PIEZO2: variants seen among roughly 807,000 people sequenced by gnomAD.
PIEZO2 encodes piezo type mechanosensitive ion channel component 2, also known as piezo-type mechanosensitive ion channel component 2.
Under a neutral mutation model 337.3 loss-of-function variants are expected in PIEZO2, and 172 were observed. That is an observed-to-expected ratio of 0.51 (90% CI 0.45 to 0.58). The LOEUF is 0.58. Ranked by LOEUF, PIEZO2 falls within the 20% of genes least tolerant of loss-of-function variation. The pLI is 0.00. For synonymous variants in PIEZO2, 1,251 were observed against 1,228.5 expected (o/e 1.02, Z -0.38); for missense variants, 3,028 against 3,391.3 (o/e 0.89, Z 2.66).
rs924943134 is a variant in PIEZO2 at position 10,988,847 on chromosome 18, A to G, written c.161-9187T>C. On this transcript the variant is annotated intron_variant, in intron 2 of 55. Transcript: ENST00000674853. This position sits in a 1 kb window ranked among gnomAD's most constrained non-coding sequence, Gnocchi z 4.8. ...TAAGCTAGACACAAACAAATACTACATGATCTCATGTATATGTGGAATCTA... is the reference window on the plus strand; with the variant it reads ...TAAGCTAGACACAAACAAATACTACGTGATCTCATGTATATGTGGAATCTA... Among the ~76,000 whole-genome samples, 7 of 152,164 alleles carry G rather than the reference A, an allele frequency of 4.6e-5. No homozygotes were observed. Among genetic ancestry groups the G allele is most frequent in the Non-Finnish European group, 1.0e-4 (7 of 68,022 alleles).
intron 4 of PIEZO2, among the ~76,000 whole-genome samples, chr18:10,879,544 C>G (rs1236008291): frequency 2.0e-5 from 3 of 151,876 alleles, no homozygotes; most frequent in African/African-American, 4.8e-5. Context: ...TACAGGCACC[C>G]GCCACCACGC....
intron 13 of PIEZO2, among the ~76,000 whole-genome samples, chr18:10,792,997 T>C (rs553646863): frequency 2.2e-4 from 34 of 152,334 alleles, no homozygotes; most frequent in African/African-American, 7.5e-4. Flanking sequence ...GGCTCACGCC[T>C]GTAATCCCAG....
At chr18:10,812,969 G>A (rs1015978493) in intron 7 of PIEZO2, among the ~76,000 whole-genome samples, 1 of 148,764 alleles carries the variant, frequency 6.7e-6, no homozygotes, top group Non-Finnish European at 1.5e-5. Flanking sequence ...ATAACATAAA[G>A]CTGATTATTT....
chr18:10,803,541 AC>A (rs140037402), intron 9 of PIEZO2, among the ~76,000 whole-genome samples: 556 of 152,324 alleles, frequency 3.7e-3, no homozygotes, highest in Non-Finnish European at 5.6e-3. Context: ...ATAGTTCAGC[AC>A]TGAAATTTTC....
rs1464754154 is a variant in PIEZO2 at position 10,783,088 on chromosome 18, T to A, written c.2492+1696A>T. Among the ~76,000 whole-genome samples, 1 of 152,076 alleles carries A rather than the reference T, an allele frequency of 6.6e-6. No homozygotes were observed. ...AGGTTCCTGCATGCTGGAGGCACTT[T>A]TAGTGAGAAAAAAAAATGAATATGC... On this transcript the variant is annotated intron_variant, in intron 17 of 55. Coordinates refer to ENST00000674853, the MANE Select transcript of PIEZO2 (RefSeq NM_001378183.1). The surrounding 1 kb of genome is among the most constrained non-coding windows in gnomAD (Gnocchi z 4.3).
In PIEZO2 at chr18:10,819,482, G is replaced by A. The variant is rs2040458927; in HGVS notation, c.918-12208C>T. ...GTATTCCAAAGACTCAGCTATGAAG[G>A]ATGTGAAACTGCCTGTTTCTTTGAT... On this transcript the variant is annotated intron_variant, in intron 7 of 55. Transcript: ENST00000674853. The surrounding 1 kb of genome is among the most constrained non-coding windows in gnomAD (Gnocchi z 4.3). Among the ~76,000 whole-genome samples, 1 of 152,216 alleles carries A rather than the reference G, an allele frequency of 6.6e-6. No homozygotes were observed. The highest frequency in any genetic ancestry group is 1.5e-5 in the Non-Finnish European group (1 of 68,038).
chr18:11,073,348 C>G (rs1426243050), intron 1 of PIEZO2, among the ~76,000 whole-genome samples: 2 of 152,174 alleles, frequency 1.3e-5, no homozygotes, highest in East Asian at 3.9e-4. Flanking sequence ...GGCACCACTG[C>G]CACAGCTAAG....
rs1311002563 is a variant in PIEZO2 at position 10,672,639 on chromosome 18, A to G, written c.8345+51T>C. On this transcript the variant is annotated intron_variant, in intron 55 of 55. Coordinates refer to ENST00000674853, the MANE Select transcript of PIEZO2 (RefSeq NM_001378183.1). This position sits in a 1 kb window ranked among gnomAD's most constrained non-coding sequence, Gnocchi z 4.7. ...AAAGGCTTCCCACTCTCAACTTTAC[A>G]TGATACAGAAGTAGACTCTTGTAAC... The G allele has an allele frequency of 6.4e-7, 1 of 1,561,352 alleles. No homozygotes were observed. The highest frequency in any genetic ancestry group is 2.3e-5 in the East Asian group (1 of 44,244).
At chr18:11,060,941 G>C (rs1343071975) in intron 2 of PIEZO2, among the ~76,000 whole-genome samples, 2 of 152,188 alleles carry the variant, frequency 1.3e-5, no homozygotes, top group Non-Finnish European at 1.5e-5. Flanking sequence ...AAGCCTGGCA[G>C]AGACACAACA....
At chr18:10,699,703 G>A (rs2035252286) in intron 43 of PIEZO2, among the ~76,000 whole-genome samples, 1 of 142,256 alleles carries the variant, frequency 7.0e-6, no homozygotes, top group African/African-American at 2.5e-5. Context: ...AGAGATGGGT[G>A]GGTATAGATA....
rs1449086068 is a variant in PIEZO2, at chr18:10,784,896, G to C, written c.2380C>G (p.Pro794Ala). The C allele has an allele frequency of 6.5e-7, 1 of 1,537,514 alleles. No homozygotes were observed. The highest frequency in any genetic ancestry group is 8.7e-7 in the Non-Finnish European group (1 of 1,146,948). ...VAELFTRIFI[P>A]TSFLLVCILH... The stretch of plus-strand genomic sequence containing the variant: ...ATGCACACCAGCAGAAAGGAGGTTG[G>C]GATGAATATGCGAGTGAATAGTTCA... Residue 794 changes from proline to alanine, a missense_variant, in exon 17 of 56, where the codon CCA becomes GCA. By Grantham distance (27) the Pro-to-Ala change is conservative. Transcript: ENST00000674853. This position sits in a 1 kb window ranked among gnomAD's most constrained non-coding sequence, Gnocchi z 4.5.
chr18:10,927,964 C>A (rs76845395), intron 3 of PIEZO2, among the ~76,000 whole-genome samples: 1 of 152,102 alleles, frequency 6.6e-6, no homozygotes, highest in South Asian at 2.1e-4. Flanking sequence ...AGAACTTAGA[C>A]GTGGATTAAT....
At chr18:10,884,959 G>A (rs2042532538) in intron 4 of PIEZO2, among the ~76,000 whole-genome samples, 1 of 152,040 alleles carries the variant, frequency 6.6e-6, no homozygotes, top group Non-Finnish European at 1.5e-5. Context: ...ACAAATATGT[G>A]TGAGCGTCTA....
chr18:10,822,478 T>C (rs553363754), intron 7 of PIEZO2, among the ~76,000 whole-genome samples: 9 of 152,318 alleles, frequency 5.9e-5, no homozygotes, highest in African/African-American at 2.2e-4. Flanking sequence ...CTTCCTATTA[T>C]GTCTTAGAGG....
rs1032163770 is a variant in PIEZO2 at position 10,833,092 on chromosome 18, G to A, written c.917+22261C>T. 5.3e-5 allele frequency among the ~76,000 whole-genome samples: 8 copies of A among 152,162 alleles called. No homozygotes were observed. Among genetic ancestry groups the A allele is most frequent in the Non-Finnish European group, 1.0e-4 (7 of 68,030 alleles). On this transcript the variant is annotated intron_variant, in intron 7 of 55. Coordinates refer to ENST00000674853, the MANE Select transcript of PIEZO2 (RefSeq NM_001378183.1). This position sits in a 1 kb window ranked among gnomAD's most constrained non-coding sequence, Gnocchi z 4.7. ...GGCAGCTCTTGGCAGACATGCCATC[G>A]AGAGAAATCTCAGCCCCAGAAGAGC...
rs1189075261 is a variant in PIEZO2, at chr18:10,724,825, C to T, written c.5030-6566G>A. 7 of 1,595,120 alleles carry T rather than the reference C, an allele frequency of 4.4e-6. No homozygotes were observed. The East Asian group carries it at 1.6e-4, about 36-fold the overall frequency. On this transcript the variant is annotated intron_variant, in intron 36 of 55. Transcript: ENST00000674853. The surrounding 1 kb of genome is among the most constrained non-coding windows in gnomAD (Gnocchi z 5.8). Reference sequence around the variant, plus strand: ...TGAGCAGCAGTCGTTCTCACAGATGCACCTGGGCCACGGCGGCCACATGCG... The same window carrying T: ...TGAGCAGCAGTCGTTCTCACAGATGTACCTGGGCCACGGCGGCCACATGCG...
At chr18:11,006,518 C>CA (rs2035726373) in intron 2 of PIEZO2, among the ~76,000 whole-genome samples, 2 of 152,184 alleles carry the variant, frequency 1.3e-5, no homozygotes, top group African/African-American at 4.8e-5. Flanking sequence ...AACAAGCACT[C>CA]TTTGCCTCCT....
At chr18:10,800,544 A>T in intron 10 of PIEZO2, 69 bp from the exon 11 acceptor site, 1 of 1,445,618 alleles carries the variant, frequency 6.9e-7, no homozygotes, top group South Asian at 1.4e-5. Flanking sequence ...ACATACCCCC[A>T]CTTCCCTTCC....
At chr18:10,774,079 G>A (rs767454115) in intron 18 of PIEZO2, 41 bp from the exon 19 acceptor site, 1 of 701,962 alleles carries the variant, frequency 1.4e-6, no homozygotes, top group South Asian at 1.5e-5. Flanking sequence ...AAAAGGAGAT[G>A]AGAACAGAAG....
Sources: gnomAD v4.1 joint callset for allele counts (sites outside exome capture counted in the v4.1 genomes callset) on GRCh38, gnomAD v4.1.1 for gene constraint, Gnocchi (gnomAD v3.1) non-coding constraint, MANE v1.5 for transcripts, NCBI Gene and HGNC (gene_info 2026-07-23, HGNC 2026-07-21) for gene names.